The following ANO6 variants were observed in gnomAD, a reference collection of about 807,000 sequenced individuals.
ANO6 encodes anoctamin-6.
Under a neutral mutation model 117.5 loss-of-function variants are expected in ANO6, and 106 were observed. That is an observed-to-expected ratio of 0.90 (90% confidence interval 0.77 to 1.06). The LOEUF is 1.06. Among genes scored for constraint, ANO6 ranks in the 50% least tolerant of loss-of-function variants. ANO6 has a pLI of 0.00. For missense variants in ANO6, 955 were observed against 1,121.1 expected, an observed-to-expected ratio of 0.85 and a Z score of 2.12; for synonymous variants, 367 against 385.1, an observed-to-expected ratio of 0.95 and a Z score of 0.55.
At position 45,270,539 on chromosome 12, in the gene ANO6, C is replaced by T. The variant is rs768914071; in HGVS notation, c.71-31475C>T. 12 of 947,442 alleles carry T rather than the reference C, an allele frequency of 1.3e-5. No individual in the cohort carries two copies. In the African/African-American group the frequency reaches 1.8e-4, roughly 14 times the overall value. The allele number at this position is 947,442 out of a possible 1,614,324, so 58.7% of individuals were successfully genotyped here. A position where few individuals can be genotyped will look rare whatever the true frequency, so the allele number is the denominator to read the frequency against. On this transcript the variant is annotated intron_variant, in intron 1 of 19. Coordinates refer to ENST00000320560, the MANE Select transcript of ANO6 (RefSeq NM_001025356.3). ...ATCCAGCCTGGGTAAGATCCCCTTC[C>T]TTTGTATTTGAACAGCATCCTTCCT...
At chr12:45,419,205 A>G (rs1237739636) in intron 17 of ANO6, among the ~76,000 whole-genome samples, 1 of 152,244 alleles carries the variant, frequency 6.6e-6, no homozygotes, top group Non-Finnish European at 1.5e-5. Context: ...TGTGCAGAAC[A>G]GCATGGGAAA....
intron 8 of ANO6, 37 bp from the exon 9 acceptor site, chr12:45,367,651 A>C (rs745406241): frequency 1.9e-6 from 3 of 1,558,640 alleles, no homozygotes; most frequent in South Asian, 2.3e-5. Flanking sequence ...TGCTGCTTTA[A>C]ATTTTTTAAA....
In ANO6 at chr12:45,250,820, A is replaced by G. The variant is rs1047169194; in HGVS notation, c.70+34429A>G. On this transcript the variant is annotated intron_variant, in intron 1 of 19. Coordinates refer to ENST00000320560, the MANE Select transcript of ANO6 (RefSeq NM_001025356.3). ...CACTATGTTGTCCAGACTGGTGTCA[A>G]ACTCCTGGGATCAAGCAATCCTTGG... Among the ~76,000 whole-genome samples, 7 of 152,068 alleles carry G rather than the reference A, an allele frequency of 4.6e-5. No individual in the cohort carries two copies. The South Asian group carries it at 1.0e-3, about 23-fold the overall frequency.
intron 8 of ANO6, among the ~76,000 whole-genome samples, chr12:45,359,981 C>T (rs894618182): frequency 3.3e-5 from 5 of 152,182 alleles, no homozygotes; most frequent in African/African-American, 1.2e-4. Context: ...AGTGGTATGT[C>T]ATTGCAGTTT....
At chr12:45,308,219 A>T (rs1404196988) in intron 2 of ANO6, among the ~76,000 whole-genome samples, 3 of 151,604 alleles carry the variant, frequency 2.0e-5, no homozygotes, top group African/African-American at 7.3e-5. Context: ...AGTGAGAGGG[A>T]AGGATTACTG....
intron 8 of ANO6, among the ~76,000 whole-genome samples, chr12:45,361,434 T>C (rs1941552625): frequency 6.6e-6 from 1 of 152,126 alleles, no homozygotes; most frequent in Non-Finnish European, 1.5e-5. Flanking sequence ...TCTAATAGTA[T>C]TTTGGGTGGA....
intron 12 of ANO6, among the ~76,000 whole-genome samples, chr12:45,390,874 C>G (rs969063441): frequency 2.0e-5 from 3 of 152,156 alleles, no homozygotes; most frequent in African/African-American, 4.8e-5. Flanking sequence ...ATAATCCAAG[C>G]ACCTTGGGAG....
At chr12:45,363,910 C>A (rs1362464807) in intron 8 of ANO6, among the ~76,000 whole-genome samples, 16 of 152,176 alleles carry the variant, frequency 1.1e-4, no homozygotes, top group Admixed American at 1.0e-3. Flanking sequence ...TCCATTAAAC[C>A]TCTTTTTCTT....
chr12:45,232,824 T>G (rs949784699), intron 1 of ANO6, among the ~76,000 whole-genome samples: 5 of 152,234 alleles, frequency 3.3e-5, no homozygotes, highest in Non-Finnish European at 5.9e-5. Context: ...CCCAGTTCTC[T>G]TCATTCTTTC....
intron 2 of ANO6, among the ~76,000 whole-genome samples, chr12:45,315,991 C>T (rs118044304): frequency 0.012 from 1,790 of 152,138 alleles, 18 homozygotes; most frequent in Admixed American, 0.037. Flanking sequence ...TTCCCATTAC[C>T]ACTTTTGCCA....
intron 1 of ANO6, among the ~76,000 whole-genome samples, chr12:45,271,829 C>T (rs2137235035): frequency 6.6e-6 from 1 of 152,272 alleles, no homozygotes; most frequent in East Asian, 1.9e-4. Flanking sequence ...ACTAAAACTG[C>T]AAACTGGGCC....
At chr12:45,404,092 G>A (rs946229767) in intron 15 of ANO6, among the ~76,000 whole-genome samples, 4 of 152,158 alleles carry the variant, frequency 2.6e-5, no homozygotes, top group African/African-American at 7.2e-5. Context: ...AGAGACTACT[G>A]TAGGATTCAA....
At chr12:45,411,332 T>C (rs149565516) in intron 16 of ANO6, among the ~76,000 whole-genome samples, 1 of 152,294 alleles carries the variant, frequency 6.6e-6, no homozygotes, top group Admixed American at 6.5e-5. Context: ...TAACAGCTGT[T>C]ATAGACAGAT....
intron 2 of ANO6, among the ~76,000 whole-genome samples, chr12:45,304,993 G>A (rs936465857): frequency 6.6e-6 from 1 of 152,196 alleles, no homozygotes; most frequent in Non-Finnish European, 1.5e-5. Flanking sequence ...TGCGGAGTTT[G>A]TCCATTGATT....
chr12:45,355,346 A>G (rs1941383050), intron 7 of ANO6, among the ~76,000 whole-genome samples: 2 of 152,110 alleles, frequency 1.3e-5, no homozygotes, highest in Admixed American at 1.3e-4. Flanking sequence ...GGCCTTGCCT[A>G]CAATGTAACA....
At chr12:45,281,522 G>A (rs1421621694) in intron 1 of ANO6, among the ~76,000 whole-genome samples, 3 of 152,280 alleles carry the variant, frequency 2.0e-5, no homozygotes, top group South Asian at 2.1e-4. Context: ...GTCCCATAGC[G>A]AGAGCAGGAG....
chr12:45,399,124 T>A (rs1429757983), intron 12 of ANO6, among the ~76,000 whole-genome samples: 1 of 152,192 alleles, frequency 6.6e-6, no homozygotes. Context: ...GACACTTCCT[T>A]GTGGTAGCAG....
chr12:45,316,391 C>T (rs528336945), intron 2 of ANO6, among the ~76,000 whole-genome samples: 40 of 152,052 alleles, frequency 2.6e-4, no homozygotes, highest in African/African-American at 6.7e-4. Context: ...CAGCTAGCTG[C>T]GGGACCAGGG....
At chr12:45,314,519 A>G (rs1939956239) in intron 2 of ANO6, among the ~76,000 whole-genome samples, 1 of 151,040 alleles carries the variant, frequency 6.6e-6, no homozygotes, top group Non-Finnish European at 1.5e-5. Flanking sequence ...ACATATGTGT[A>G]TATATCTACC....
Sources: allele counts gnomAD v4.1 joint callset (sites outside exome capture counted in the v4.1 genomes callset), GRCh38; gene constraint gnomAD v4.1.1; transcripts MANE v1.5; gene names NCBI Gene and HGNC (gene_info 2026-07-23, HGNC 2026-07-21).